Variants in LRFN5 observed in about 807,000 individuals in gnomAD.
LRFN5 encodes the protein leucine-rich repeat and fibronectin type-III domain-containing protein 5.
In LRFN5, 24 loss-of-function variants were observed where a neutral mutation model predicts 45.6. That is an observed-to-expected ratio of 0.53 (90% CI 0.38 to 0.74). The LOEUF (loss-of-function observed/expected upper bound fraction) is 0.74, where lower values mean the gene tolerates loss of function less well. Among genes scored for constraint, LRFN5 ranks in the 30% least tolerant of loss-of-function variants. The pLI, the probability that LRFN5 is intolerant of heterozygous loss-of-function variation, is 0.00. For synonymous variants in LRFN5, 340 were observed against 313.8 expected, an observed-to-expected ratio of 1.08 and a Z score of -0.88; for missense variants, 776 against 861.5, an observed-to-expected ratio of 0.90 and a Z score of 1.24.
At chr14:41,861,156 A>T (rs1440292749) in intron 2 of LRFN5, among the ~76,000 whole-genome samples, 3 of 152,142 alleles carry the variant, frequency 2.0e-5, no homozygotes, top group African/African-American at 7.2e-5. Flanking sequence ...GGAGTTAGCA[A>T]TTGTGAGGAG....
intron 2 of LRFN5, among the ~76,000 whole-genome samples, chr14:41,805,625 A>G (rs1301615417): frequency 6.7e-6 from 1 of 149,806 alleles, no homozygotes; most frequent in Non-Finnish European, 1.5e-5. Flanking sequence ...TCATTGTTCA[A>G]TTCCCACCTA....
At chr14:41,861,984 C>G (rs1170284635) in intron 2 of LRFN5, among the ~76,000 whole-genome samples, 4 of 152,026 alleles carry the variant, frequency 2.6e-5, no homozygotes, top group African/African-American at 9.7e-5. Context: ...GCGGTTTGTT[C>G]CATGCTGTTT....
chr14:41,792,902 T>C lies in LRFN5; in HGVS notation c.-21+25873T>C, dbSNP rs527329137. ...AATTATAAAAGTATTACTTGGTTTT[T>C]TGTTTGTACACTGCATATTCTCACT... On this transcript the variant is annotated intron_variant, in intron 2 of 5. Coordinates refer to ENST00000298119, the MANE Select transcript of LRFN5 (RefSeq NM_152447.5). 8.6e-5 allele frequency among the ~76,000 whole-genome samples: 13 copies of C among 151,784 alleles called. No individual in the cohort carries two copies. The East Asian group carries it at 2.6e-3, about 30-fold the overall frequency.
intron 2 of LRFN5, among the ~76,000 whole-genome samples, chr14:41,775,093 CTTTTT>C (rs59438733): frequency 2.7e-5 from 3 of 112,492 alleles, no homozygotes; most frequent in African/African-American, 7.0e-5. Context: ...TTTTCTTTTT[CTTTTT>C]TTTTTTTTTT....
intron 1 of LRFN5, among the ~76,000 whole-genome samples, chr14:41,618,056 A>G (rs1887984007): frequency 6.6e-6 from 1 of 152,152 alleles, no homozygotes; most frequent in Non-Finnish European, 1.5e-5. Flanking sequence ...AGGGTGGAAA[A>G]GAAGGCACTT....
chr14:41,754,807 C>T (rs1179043604), intron 1 of LRFN5, among the ~76,000 whole-genome samples: 1 of 152,072 alleles, frequency 6.6e-6, no homozygotes, highest in South Asian at 2.1e-4. Flanking sequence ...CTTCTGCTAG[C>T]TGTTGAATAT....
chr14:41,833,918 T>A (rs8007843), intron 2 of LRFN5, among the ~76,000 whole-genome samples: 6,298 of 152,286 alleles, frequency 0.041, 434 homozygotes, highest in African/African-American at 0.14. Flanking sequence ...TTATTGTGAA[T>A]CTGATAGCTG....
chr14:41,645,767 C>G (rs1566601499), intron 1 of LRFN5, among the ~76,000 whole-genome samples: 1 of 152,098 alleles, frequency 6.6e-6, no homozygotes, highest in African/African-American at 2.4e-5. Context: ...TGCAATATTT[C>G]TTGTAGATTG....
Position 41,904,333 on chromosome 14 carries a change from G to GTGCTCA in LRFN5, c.*158_*159insTGCTCA, listed in dbSNP as rs1398584047. On this transcript the variant is annotated 3_prime_UTR_variant, in exon 6 of 6. Coordinates refer to ENST00000298119, the MANE Select transcript of LRFN5 (RefSeq NM_152447.5). ...CAAGGTGAAAGTCTCTGATGACGGC[G>GTGCTCA]GAACTGGCTCCATTAGACCATGGTT... 27 of 866,328 alleles carry GTGCTCA rather than the reference G, an allele frequency of 3.1e-5. No individual in the cohort carries two copies. Among genetic ancestry groups the GTGCTCA allele is most frequent in the Non-Finnish European group, 4.9e-5 (27 of 548,966 alleles). The allele number at this position is 866,328 out of a possible 1,614,324, so 53.7% of individuals were successfully genotyped here. A position where few individuals can be genotyped will look rare whatever the true frequency, so the allele number is the denominator to read the frequency against.
Position 41,796,623 on chromosome 14 carries a change from A to G in LRFN5, c.-21+29594A>G, listed in dbSNP as rs142313708. ...ATTTTTGTTTGCATCTTATTATATT[A>G]GCAATTAATTAGGGTCACTTTATTA... On this transcript the variant is annotated intron_variant, in intron 2 of 5. Coordinates refer to ENST00000298119, the MANE Select transcript of LRFN5 (RefSeq NM_152447.5). 7.4e-3 allele frequency among the ~76,000 whole-genome samples: 1,118 copies of G among 152,010 alleles called. 16 individuals are homozygous for G. The highest frequency in any genetic ancestry group is 0.026 in the African/African-American group (1,073 of 41,528).
At chr14:41,692,299 T>C (rs1455418752) in intron 1 of LRFN5, among the ~76,000 whole-genome samples, 2 of 152,156 alleles carry the variant, frequency 1.3e-5, no homozygotes, top group African/African-American at 4.8e-5. Context: ...TGTCTTTTTT[T>C]TGTTAATTTT....
intron 2 of LRFN5, among the ~76,000 whole-genome samples, chr14:41,841,302 A>G (rs1284212940): frequency 2.0e-5 from 3 of 151,968 alleles, no homozygotes; most frequent in South Asian, 2.1e-4. Context: ...ATTATACTTC[A>G]TGTAAGAGAA....
At chr14:41,894,920 G>T (rs1478495250) in intron 4 of LRFN5, 1 of 983,480 alleles carries the variant, frequency 1.0e-6, no homozygotes, top group African/African-American at 1.8e-5. Context: ...GTGATCTGAA[G>T]CATCTGGTTT....
Position 41,816,998 on chromosome 14 carries a change from GT to G in LRFN5, c.-21+49987del, listed in dbSNP as rs200326943. On this transcript the variant is annotated intron_variant, in intron 2 of 5. Transcript: ENST00000298119. ...TTGTCTAAGCTTTTTAATGTGGGAA[GT>G]TTTTTTTTTTTTTTTTTGAGATAGC... is the stretch of plus-strand genomic sequence containing the variant. Among the ~76,000 whole-genome samples, 4,813 of 129,928 alleles carry G rather than the reference GT, an allele frequency of 0.037. 439 individuals are homozygous for G. The East Asian group carries it at 0.41, about 11-fold the overall frequency. 85.2% of individuals were successfully genotyped at this position (129,928 alleles called of 152,430 possible).
intron 2 of LRFN5, among the ~76,000 whole-genome samples, chr14:41,872,400 T>C (rs537692027): frequency 4.2e-4 from 64 of 152,354 alleles, no homozygotes; most frequent in African/African-American, 1.5e-3. Flanking sequence ...CATATTCATA[T>C]TTGATGCTTT....
At chr14:41,869,066 C>G (rs1889931230) in intron 2 of LRFN5, among the ~76,000 whole-genome samples, 1 of 152,048 alleles carries the variant, frequency 6.6e-6, no homozygotes. Flanking sequence ...TCATTTGTGT[C>G]TTTATTTTGT....
At chr14:41,778,649 G>C (rs1274779170) in intron 2 of LRFN5, among the ~76,000 whole-genome samples, 1 of 151,720 alleles carries the variant, frequency 6.6e-6, no homozygotes, top group Non-Finnish European at 1.5e-5. Flanking sequence ...GAAGAACTAT[G>C]GAGCTACCAC....
intron 2 of LRFN5, among the ~76,000 whole-genome samples, chr14:41,805,344 T>G (rs2138977797): frequency 6.6e-6 from 1 of 150,802 alleles, no homozygotes; most frequent in South Asian, 2.1e-4. Flanking sequence ...TTTGGATAAT[T>G]GGAAGTTCTC....
intron 1 of LRFN5, among the ~76,000 whole-genome samples, chr14:41,625,016 G>A (rs994561583): frequency 6.6e-6 from 1 of 151,864 alleles, no homozygotes; most frequent in Non-Finnish European, 1.5e-5. Context: ...GCAGCTTTAA[G>A]GATGTGCTTT....
Sources: gnomAD v4.1 joint callset for allele counts (sites outside exome capture counted in the v4.1 genomes callset) on GRCh38, gnomAD v4.1.1 for gene constraint, MANE v1.5 for transcripts, NCBI Gene and HGNC (gene_info 2026-07-23, HGNC 2026-07-21) for gene names.